Variants in DRC4 observed in about 807,000 individuals in gnomAD.
DRC4 encodes dynein regulatory complex subunit 4, also known as GAS-11.
chr16:90,029,665 T>C, the DRC4 span: 1 of 218,510 alleles, frequency 4.6e-6, no homozygotes, highest in South Asian at 7.0e-5. Context: ...GCTCGTTGTC[T>C]TGTCTTCTTT....
chr16:90,041,909 CTCA>C, the DRC4 span, among the ~76,000 whole-genome samples: 2 of 152,130 alleles, frequency 1.3e-5, no homozygotes, highest in South Asian at 4.1e-4. Context: ...CTGCCCTCAC[CTCA>C]TCTGCATTTC....
the DRC4 span, chr16:90,031,398 G>C: frequency 2.5e-6 from 4 of 1,613,856 alleles, no homozygotes; most frequent in Non-Finnish European, 3.4e-6. Context: ...CACCTTCTGG[G>C]AGATCACACG....
the DRC4 span, chr16:90,035,915 C>T: frequency 6.9e-7 from 1 of 1,439,794 alleles, no homozygotes; most frequent in East Asian, 2.5e-5. Flanking sequence ...ACACACATTC[C>T]CACTCCTAGC....
At chr16:90,035,851 C>T in the DRC4 span, 1 of 1,513,784 alleles carries the variant, frequency 6.6e-7, no homozygotes, top group South Asian at 1.3e-5. Context: ...AGTGGACCCA[C>T]TCAGAATCCC....
chr16:90,036,838 C>G, the DRC4 span: 253,851 of 629,744 alleles, frequency 0.4, 54,356 homozygotes, highest in Non-Finnish European at 0.46. Context: ...GAAGTGTGTT[C>G]TGGTTTGTAA....
At chr16:90,038,984 T>C in the DRC4 span, among the ~76,000 whole-genome samples, 3 of 152,230 alleles carry the variant, frequency 2.0e-5, no homozygotes, top group Non-Finnish European at 2.9e-5. Context: ...CACAAACCGT[T>C]GTAGTGGGAT....
chr16:90,029,234 ACATCG>A, the DRC4 span: 1 of 1,163,794 alleles, frequency 8.6e-7, no homozygotes. Context: ...CTTGCACTGC[ACATCG>A]CACGTTGAGC....
At chr16:90,044,375 T>C in the DRC4 span, 3 of 414,234 alleles carry the variant, frequency 7.2e-6, no homozygotes, top group South Asian at 5.4e-5. Flanking sequence ...GCAAGTGAGC[T>C]CACCTACCTG....
At chr16:90,044,171 C>G in the DRC4 span, 1 of 454,932 alleles carries the variant, frequency 2.2e-6, no homozygotes, top group Non-Finnish European at 4.4e-6. Flanking sequence ...TGCGGCGGCT[C>G]CAGTGTGGGG....
At chr16:90,034,478 C>T in the DRC4 span, among the ~76,000 whole-genome samples, 16 of 152,096 alleles carry the variant, frequency 1.1e-4, no homozygotes, top group South Asian at 1.9e-3. Context: ...AAAAATTAGC[C>T]GGGCGTGGTG....
the DRC4 span, among the ~76,000 whole-genome samples, chr16:90,040,723 T>G: frequency 6.6e-6 from 1 of 151,140 alleles, no homozygotes; most frequent in Non-Finnish European, 1.5e-5. Context: ...CTGCTATTGA[T>G]GGGGAGCACA....
the DRC4 span, among the ~76,000 whole-genome samples, chr16:90,022,379 G>A: frequency 0.15 from 23,586 of 152,218 alleles, 2,849 homozygotes; most frequent in East Asian, 0.62. Flanking sequence ...TCATCAGCAC[G>A]TCTTTACTGA....
chr16:90,044,118 G>A, the DRC4 span: 1 of 452,810 alleles, frequency 2.2e-6, no homozygotes, highest in South Asian at 1.6e-5. Flanking sequence ...CCGCACCAGA[G>A]GGACACTCCA....
chr16:90,041,600 T>TC, the DRC4 span, among the ~76,000 whole-genome samples: 6 of 152,016 alleles, frequency 3.9e-5, no homozygotes, highest in East Asian at 9.7e-4. Flanking sequence ...GTTTGGGAGT[T>TC]CAAGACCAGC....
the DRC4 span, among the ~76,000 whole-genome samples, chr16:90,038,642 TCACA>T: frequency 6.6e-6 from 1 of 152,118 alleles, no homozygotes; most frequent in African/African-American, 2.4e-5. Flanking sequence ...CTGCTCTGAG[TCACA>T]CACCTGCCAG....
chr16:90,041,932 G>C, the DRC4 span, among the ~76,000 whole-genome samples: 5 of 152,118 alleles, frequency 3.3e-5, no homozygotes, highest in Non-Finnish European at 4.4e-5. Flanking sequence ...CTTGTGGTCT[G>C]GACTGCTCTT....
the DRC4 span, among the ~76,000 whole-genome samples, chr16:90,041,580 C>T: frequency 2.6e-5 from 4 of 152,260 alleles, no homozygotes; most frequent in East Asian, 3.9e-4. Context: ...CTGAGGTGGG[C>T]AGATCACGAG....
chr16:90,044,688 T>C, the DRC4 span: 1 of 456,464 alleles, frequency 2.2e-6, no homozygotes, highest in Non-Finnish European at 4.6e-6. Context: ...TTCCTGGGTC[T>C]GCATCCCAGT....
At chr16:90,020,245 G>T in the DRC4 span, 3 of 438,758 alleles carry the variant, frequency 6.8e-6, no homozygotes, top group Non-Finnish European at 1.2e-5. Context: ...GGGAGGCTGA[G>T]GTGGGAGCAC....
Sources: gnomAD v4.1 joint callset for allele counts (sites outside exome capture counted in the v4.1 genomes callset) on GRCh38, gnomAD v4.1.1 for gene constraint, MANE v1.5 for transcripts, NCBI Gene and HGNC (gene_info 2026-07-23, HGNC 2026-07-21) for gene names.